LTN1: variants seen among roughly 807,000 people sequenced by gnomAD.
LTN1 encodes E3 ubiquitin-protein ligase listerin.
LTN1 carries 88 observed loss-of-function variants against 201.2 expected under a neutral mutation model. The observed-to-expected ratio is 0.44, with a 90% CI of 0.37 to 0.52. The LOEUF is 0.52. LTN1 is among the 20% of genes least tolerant of loss of function. The pLI is 0.00. For synonymous variants in LTN1, 645 were observed against 713.5 expected (o/e 0.90, Z 1.53); for missense variants, 1,752 against 2,038.7 (o/e 0.86, Z 2.71).
chr21:28,940,992 G>A (rs1027748353), intron 25 of LTN1, among the ~76,000 whole-genome samples: 1 of 152,124 alleles, frequency 6.6e-6, no homozygotes, highest in Non-Finnish European at 1.5e-5. Context: ...TGAGAAGATC[G>A]GTTGAGCCTA....
At position 28,943,761 on chromosome 21, in the gene LTN1, G is replaced by T. The variant is rs751100634; in HGVS notation, c.4126C>A (p.Pro1376Thr). 6.2e-7 allele frequency: 1 copy of T among 1,613,818 alleles called. No homozygotes were observed. Among genetic ancestry groups the T allele is most frequent in the East Asian group, 2.2e-5 (1 of 44,816 alleles). Residue 1376 changes from proline to threonine, a missense_variant, in exon 23 of 30, where the codon CCA becomes ACA. Around this residue, in one of 3 missense-constraint regions of LTN1, gnomAD observed 1,211 missense variants for 1,312.8 expected, o/e 0.92. Transcript: ENST00000361371. ...TTTAACAAAGTCTGGAGATATTCTGGTAAGTTTGTTTTTTGGTCAGCAACT... is the reference window on the plus strand; with the variant it reads ...TTTAACAAAGTCTGGAGATATTCTGTTAAGTTTGTTTTTTGGTCAGCAACT... ...RLVADQKTNL[P>T]EYLQTLLNTL...
intron 11 of LTN1, 28 bp downstream of exon 11, chr21:28,965,837 A>G (rs1483833259): frequency 9.3e-6 from 12 of 1,297,262 alleles, no homozygotes; most frequent in South Asian, 1.4e-5. Flanking sequence ...AATACAAAAA[A>G]AAAAAGAAAA....
chr21:28,976,074 A>G (rs1185502402), intron 6 of LTN1, among the ~76,000 whole-genome samples: 3 of 152,126 alleles, frequency 2.0e-5, no homozygotes, highest in Non-Finnish European at 4.4e-5. Context: ...GCCTGGGATA[A>G]AGGCAGAGGA....
chr21:28,932,944 C>A (rs932275211), intron 27 of LTN1, among the ~76,000 whole-genome samples: 1 of 152,130 alleles, frequency 6.6e-6, no homozygotes, highest in African/African-American at 2.4e-5. Flanking sequence ...GTTCAATAAA[C>A]CTTGAATAGA....
rs971346305 is a variant in LTN1 at position 28,928,826 on chromosome 21, G to T, written c.*1622C>A. On this transcript the variant is annotated 3_prime_UTR_variant, in exon 30 of 30. Coordinates refer to ENST00000361371, the MANE Select transcript of LTN1 (RefSeq NM_015565.3). Reference sequence around the variant, plus strand: ...GCCAAGATGTACCAATACTGGAAAGGTTTTAAACAGTCTTATTATAAAACC... The same window carrying T: ...GCCAAGATGTACCAATACTGGAAAGTTTTTAAACAGTCTTATTATAAAACC... 5 of 152,378 alleles carry T rather than the reference G, an allele frequency of 3.3e-5. No homozygotes were observed. In the East Asian group the frequency reaches 9.7e-4, roughly 29 times the overall value. The allele number at this position is 152,378 out of a possible 1,614,324, so 9.4% of individuals were successfully genotyped here.
At chr21:28,976,238 T>A (rs948378614) in intron 6 of LTN1, among the ~76,000 whole-genome samples, 3 of 152,162 alleles carry the variant, frequency 2.0e-5, no homozygotes, top group Non-Finnish European at 4.4e-5. Context: ...TACAGGACTG[T>A]GTGCAAATTA....
intron 27 of LTN1, among the ~76,000 whole-genome samples, 161 bp from the exon 28 acceptor site, chr21:28,932,825 T>C (rs576065482): frequency 2.6e-5 from 4 of 152,360 alleles, no homozygotes; most frequent in Admixed American, 6.5e-5. Flanking sequence ...TACGTTTAAA[T>C]ACCTGCCTGG....
At chr21:28,951,925 G>T (rs577649069) in intron 18 of LTN1, among the ~76,000 whole-genome samples, 7 of 152,002 alleles carry the variant, frequency 4.6e-5, no homozygotes, top group Non-Finnish European at 1.5e-5. Context: ...AGCCATGTTC[G>T]CATCACTGAA....
intron 1 of LTN1, among the ~76,000 whole-genome samples, chr21:28,991,443 G>GTT (rs2084745143): frequency 6.6e-6 from 1 of 152,134 alleles, no homozygotes; most frequent in East Asian, 1.9e-4. Context: ...AAATGGCATT[G>GTT]TTTTTAGAAG....
In LTN1 at chr21:28,969,591, C is replaced by T. The variant is rs1187091823; in HGVS notation, c.1186G>A (p.Glu396Lys). Reference protein sequence around the residue: ...LTSLVAGLSTERTKTSSLESS... With the variant: ...LTSLVAGLSTKRTKTSSLESS... ...TCTAAAGAGCTGGTTTTAGTTCTCT[C>T]TGTTGACAGCCTAAGAAATAATTAA... The change falls in exon 9 of 30, where the codon GAG becomes AAG. Residue 396 changes from glutamate (E) to lysine (K), a missense_variant. Physicochemically the swap from Glu to Lys is moderately conservative, Grantham distance 56 (BLOSUM62 1). Around this residue, in one of 3 missense-constraint regions of LTN1, gnomAD observed 1,211 missense variants for 1,312.8 expected, o/e 0.92. Transcript: ENST00000361371. 3.8e-6 allele frequency: 6 copies of T among 1,596,548 alleles called. No individual in the cohort carries two copies. Among genetic ancestry groups the T allele is most frequent in the Non-Finnish European group, 5.1e-6 (6 of 1,173,756 alleles).
chr21:28,989,228 T>C (rs1009877698), intron 1 of LTN1, among the ~76,000 whole-genome samples: 2 of 152,092 alleles, frequency 1.3e-5, no homozygotes, highest in African/African-American at 4.8e-5. Flanking sequence ...AACTAATTAT[T>C]GCTAACATCT....
intron 18 of LTN1, among the ~76,000 whole-genome samples, chr21:28,949,520 G>A (rs1004616841): frequency 6.6e-5 from 10 of 151,848 alleles, no homozygotes; most frequent in East Asian, 1.9e-4. Context: ...TCTCACCCTC[G>A]GCCCCAGGCA....
At chr21:28,943,971 A>AC in intron 22 of LTN1, 67 bp from the exon 23 acceptor site, 1 of 984,884 alleles carries the variant, frequency 1.0e-6, no homozygotes, top group Non-Finnish European at 1.6e-6. Flanking sequence ...AATGATTCAC[A>AC]AACAATCAAA....
At chr21:28,933,996 C>T (rs2084234071) in intron 27 of LTN1, among the ~76,000 whole-genome samples, 1 of 151,938 alleles carries the variant, frequency 6.6e-6, no homozygotes, top group Admixed American at 6.6e-5. Context: ...ATAGTAAATG[C>T]CATTCCCTTC....
intron 6 of LTN1, 45 bp downstream of exon 6, chr21:28,981,074 G>T: frequency 8.4e-7 from 1 of 1,183,560 alleles, no homozygotes; most frequent in Admixed American, 2.7e-5. Context: ...GAAGATGGGG[G>T]TAAGGAATCA....
At chr21:28,992,718 G>T (rs2084757390) in intron 1 of LTN1, 46 bp downstream of exon 1, 3 of 1,608,866 alleles carry the variant, frequency 1.9e-6, no homozygotes, top group Non-Finnish European at 2.5e-6. Flanking sequence ...GGAGCCAGCC[G>T]CCTCGAAGCG....
intron 9 of LTN1, 39 bp from the exon 10 acceptor site, chr21:28,967,218 G>A (rs9305385): frequency 3.5e-6 from 5 of 1,422,964 alleles, no homozygotes; most frequent in South Asian, 1.3e-5. Flanking sequence ...TATATATTTG[G>A]TCTTCAACCC....
chr21:28,988,941 G>A (rs2084723503), intron 1 of LTN1, among the ~76,000 whole-genome samples: 1 of 151,022 alleles, frequency 6.6e-6, no homozygotes, highest in Non-Finnish European at 1.5e-5. Context: ...CTCCAGCCTG[G>A]GCAAAAAGAG....
chr21:28,963,771 C>A (rs574978979), intron 11 of LTN1, among the ~76,000 whole-genome samples: 3 of 152,158 alleles, frequency 2.0e-5, no homozygotes, highest in African/African-American at 7.2e-5. Context: ...AAAAACTCAC[C>A]ATTTTAGATG....
Sources: allele counts gnomAD v4.1 joint callset (sites outside exome capture counted in the v4.1 genomes callset), GRCh38; gene constraint gnomAD v4.1.1; regional missense constraint gnomAD v4.1.1; transcripts MANE v1.5; gene names NCBI Gene and HGNC (gene_info 2026-07-23, HGNC 2026-07-21).